Variants in MATR3 observed in about 807,000 individuals in gnomAD.
MATR3 encodes the protein matrin 3.
In MATR3, 4 loss-of-function variants were observed where a neutral mutation model predicts 85.5. The ratio of observed to expected loss-of-function variants is 0.05; its 90% confidence interval spans 0.02 to 0.11. The LOEUF is 0.11. MATR3 is among the 10% of genes least tolerant of loss of function. The probability of loss-of-function intolerance (pLI) is 1.00; values close to 1 mark genes in which losing one functional copy is unlikely to be tolerated. For synonymous variants in MATR3, 336 were observed against 343.1 expected (o/e 0.98, Z 0.23); for missense variants, 685 against 1,016.1 (o/e 0.67, Z 4.43).
At chr5:139,289,296 G>C (rs1402778113), upstream of MATR3, among the ~76,000 whole-genome samples, 3 of 152,186 alleles carry the variant, frequency 2.0e-5, no homozygotes, top group Non-Finnish European at 4.4e-5. Flanking sequence ...GCACACCCCT[G>C]TAAGTCCCAG....
In MATR3 at chr5:139,318,812, T is replaced by C. The variant is rs555610885; in HGVS notation, c.1309-96T>C. The C allele has an allele frequency of 1.2e-3, 1,349 of 1,092,248 alleles. 6 individuals carry two copies. The highest frequency in any genetic ancestry group is 7.4e-3 in the Middle Eastern group (26 of 3,516). 67.7% of individuals were successfully genotyped at this position (1,092,248 alleles called of 1,614,324 possible). A position where few individuals can be genotyped will look rare whatever the true frequency, so the allele number is the denominator to read the frequency against. On this transcript the variant is annotated intron_variant, in intron 7 of 14. Coordinates refer to ENST00000394805, the MANE Select transcript of MATR3 (RefSeq NM_018834.6). ...AATGATTAAATATATCTGAAAAGAT[T>C]TGGGGCATTGTTATTTTTTAGGAAA... is the stretch of plus-strand genomic sequence containing the variant.
At chr5:139,278,758 T>A (rs780319113) in intron 2 of MATR3, 2 of 499,600 alleles carry the variant, frequency 4.0e-6, no homozygotes, top group Non-Finnish European at 8.2e-6. Flanking sequence ...AAACAAATAA[T>A]GAGAAAGCTG....
intron 9 of MATR3, 22 bp from the exon 10 acceptor site, chr5:139,321,876 G>A (rs1755592257): frequency 1.9e-6 from 3 of 1,610,752 alleles, no homozygotes; most frequent in Admixed American, 1.7e-5. Flanking sequence ...GTGCTTTGTG[G>A]TTTCTTTTCT....
chr5:139,277,113 G>T (rs1420875001), intron 2 of MATR3, among the ~76,000 whole-genome samples: 1 of 151,658 alleles, frequency 6.6e-6, no homozygotes, highest in African/African-American at 2.4e-5. Flanking sequence ...GGGATGATAG[G>T]TGTGTGCCAC....
chr5:139,307,398 A>G lies in MATR3; in HGVS notation c.-18A>G, dbSNP rs772588991. ...TTTTTTTTTTTAATCTATAAAATAG[A>G]CAAGAGCTAGTTCTACAATGTCCAA... is the stretch of plus-strand genomic sequence containing the variant. On this transcript the variant is annotated 5_prime_UTR_variant, in exon 2 of 15. Transcript: ENST00000394805. The surrounding 1 kb of genome is among the most constrained non-coding windows in gnomAD (Gnocchi z 4.4). 1 of 1,609,394 alleles carries G rather than the reference A, an allele frequency of 6.2e-7. No homozygotes were observed. Among genetic ancestry groups the G allele is most frequent in the Non-Finnish European group, 8.5e-7 (1 of 1,177,830 alleles).
In MATR3 at chr5:139,307,586, T is replaced by C. The variant is rs1754773230; in HGVS notation, c.171T>C (p.Asn57=). ...CTGCACGCCTTGCTAGTTTAATGAATCTTGGAATGAGTTCTTCATTGAATC... is the reference window on the plus strand; with the variant it reads ...CTGCACGCCTTGCTAGTTTAATGAACCTTGGAATGAGTTCTTCATTGAATC... ...QGTARLASLM[N]LGMSSSLNQQ... is the part of the protein sequence containing the mutation. The change falls in exon 2 of 15, where the codon AAT becomes AAC. Residue 57 remains asparagine (N), a synonymous_variant. Coordinates refer to ENST00000394805, the MANE Select transcript of MATR3 (RefSeq NM_018834.6). The surrounding 1 kb of genome is among the most constrained non-coding windows in gnomAD (Gnocchi z 4.4). 6.2e-7 allele frequency: 1 copy of C among 1,614,142 alleles called. No homozygotes were observed. Among genetic ancestry groups the C allele is most frequent in the Non-Finnish European group, 8.5e-7 (1 of 1,180,030 alleles).
intron 2 of MATR3, chr5:139,313,781 C>G (rs1274837483): frequency 6.6e-6 from 1 of 152,148 alleles, no homozygotes; most frequent in East Asian, 1.9e-4. Flanking sequence ...AAAGCCATTC[C>G]TGTTGAATCA....
chr5:139,319,203 A>AG, intron 8 of MATR3, 131 bp from the exon 9 acceptor site: 5 of 1,274,936 alleles, frequency 3.9e-6, no homozygotes, highest in Non-Finnish European at 4.5e-6. Context: ...CAGGAGTTCC[A>AG]GGCAAGCCTG....
chr5:139,307,535 A>G lies in MATR3; in HGVS notation c.120A>G (p.Ala40=). 1 of 1,614,156 alleles carries G rather than the reference A, an allele frequency of 6.2e-7. No homozygotes were observed. Among genetic ancestry groups the G allele is most frequent in the Non-Finnish European group, 8.5e-7 (1 of 1,180,026 alleles). Residue 40 remains alanine (A), a synonymous_variant, in exon 2 of 15, where the codon GCA becomes GCG. Transcript: ENST00000394805. The surrounding 1 kb of genome is among the most constrained non-coding windows in gnomAD (Gnocchi z 4.4). The stretch of plus-strand genomic sequence containing the variant: ...CTACCCAGTCTTTAAGTATGCCAGC[A>G]TCTCTTGGAAGGATGAACCAGGGTA... ...AAATQSLSMP[A]SLGRMNQGTA... is the part of the protein sequence containing the mutation.
chr5:139,274,179 G>A, intron 1 of MATR3: 1 of 407,948 alleles, frequency 2.5e-6, no homozygotes, highest in Non-Finnish European at 4.8e-6. Flanking sequence ...AGGACCCAGA[G>A]GGGAGAGTCC....
chr5:139,315,787 G>A, intron 4 of MATR3, 49 bp downstream of exon 4: 1 of 1,410,528 alleles, frequency 7.1e-7, no homozygotes, highest in Admixed American at 1.7e-5. Flanking sequence ...TCAATGTAAG[G>A]AATTCAGGTT....
rs570650831 is a variant in MATR3, at chr5:139,314,289, A to G, written c.913-386A>G. 384 of 248,788 alleles carry G rather than the reference A, an allele frequency of 1.5e-3. 3 individuals are homozygous for G. Among genetic ancestry groups the G allele is most frequent in the South Asian group, 0.011 (205 of 19,258 alleles). 15.4% of individuals were successfully genotyped at this position (248,788 alleles called of 1,614,324 possible). A position where few individuals can be genotyped will look rare whatever the true frequency, so the allele number is the denominator to read the frequency against. On this transcript the variant is annotated intron_variant, in intron 2 of 14. Coordinates refer to ENST00000394805, the MANE Select transcript of MATR3 (RefSeq NM_018834.6). ...TCTAGAAAAGTAGATATAAACATGG[A>G]TGTTTTATTCAGAGTGCTATAAAGT...
intron 1 of MATR3, among the ~76,000 whole-genome samples, chr5:139,301,474 C>T (rs1754437395): frequency 6.6e-6 from 1 of 152,134 alleles, no homozygotes; most frequent in Non-Finnish European, 1.5e-5. Context: ...CGTGTGCCAC[C>T]ACACCCGGCT....
In MATR3 at chr5:139,319,622, C is replaced by G. The variant is rs1755435984; in HGVS notation, c.1602+121C>G. ...CAGCAGTTTGGGAGGCCAAGGCAGG[C>G]AAATCACCTGAGGTCAGGAGTTCGA... On this transcript the variant is annotated intron_variant, in intron 9 of 14. Coordinates refer to ENST00000394805, the MANE Select transcript of MATR3 (RefSeq NM_018834.6). 3.7e-6 allele frequency: 3 copies of G among 817,060 alleles called. No individual in the cohort carries two copies. The South Asian group carries it at 5.0e-5, about 14-fold the overall frequency. The allele number at this position is 817,060 out of a possible 1,614,324, so 50.6% of individuals were successfully genotyped here. A position where few individuals can be genotyped will look rare whatever the true frequency, so the allele number is the denominator to read the frequency against.
chr5:139,325,277 A>T, intron 12 of MATR3, 163 bp from the exon 13 acceptor site: 1 of 1,551,310 alleles, frequency 6.4e-7, no homozygotes, highest in African/African-American at 1.4e-5. Flanking sequence ...TTGCAGAGTA[A>T]ATTTGTCTTT....
chr5:139,330,907 C>CA lies in MATR3; in HGVS notation c.*1513dup. 2.2e-6 allele frequency: 1 copy of CA among 453,986 alleles called. No homozygotes were observed. The highest frequency in any genetic ancestry group is 4.4e-6 in the Non-Finnish European group (1 of 226,738). 28.1% of individuals were successfully genotyped at this position (453,986 alleles called of 1,614,324 possible). ...TTGGGCTCAAATGACCCTCCTACCT[C>CA]AGTCTCCTGAGTAGCTGGGACTACA... On this transcript the variant is annotated 3_prime_UTR_variant, in exon 15 of 15. Coordinates refer to ENST00000394805, the MANE Select transcript of MATR3 (RefSeq NM_018834.6).
At chr5:139,316,930 A>T (rs968062589) in intron 5 of MATR3, 123 bp from the exon 6 acceptor site, 12 of 759,672 alleles carry the variant, frequency 1.6e-5, no homozygotes, top group Admixed American at 4.1e-5. Context: ...ATGAAAAGTG[A>T]TGGTAATCAT....
intron 2 of MATR3, chr5:139,278,287 T>G (rs1352862951): frequency 2.2e-6 from 1 of 453,890 alleles, no homozygotes; most frequent in Middle Eastern, 6.9e-4. Context: ...TATTATATTC[T>G]GTGTACTAGA....
chr5:139,318,678 C>G lies in MATR3; in HGVS notation c.1309-230C>G, dbSNP rs554095182. On this transcript the variant is annotated intron_variant, in intron 7 of 14. Coordinates refer to ENST00000394805, the MANE Select transcript of MATR3 (RefSeq NM_018834.6). Reference sequence around the variant, plus strand: ...GCCAGGATGGTCTTGATCTTTCAACCTCGTGATCCGCCTGCCTCGGCCTCC... The same window carrying G: ...GCCAGGATGGTCTTGATCTTTCAACGTCGTGATCCGCCTGCCTCGGCCTCC... Among the ~76,000 whole-genome samples, 5 of 152,362 alleles carry G rather than the reference C, an allele frequency of 3.3e-5. No homozygotes were observed. The East Asian group carries it at 9.6e-4, about 29-fold the overall frequency.
Sources: allele counts gnomAD v4.1 joint callset (sites outside exome capture counted in the v4.1 genomes callset), GRCh38; gene constraint gnomAD v4.1.1; non-coding constraint Gnocchi (gnomAD v3.1); transcripts MANE v1.5; gene names NCBI Gene and HGNC (gene_info 2026-07-23, HGNC 2026-07-21).